The following UNC5D variants were observed in gnomAD, a reference collection of about 807,000 sequenced individuals.
UNC5D encodes the protein unc-5 netrin receptor D.
UNC5D carries 39 observed loss-of-function variants against 105.4 expected under a neutral mutation model. That is an observed-to-expected ratio of 0.37 (90% CI 0.29 to 0.48). The LOEUF is 0.48. UNC5D is among the 20% of genes least tolerant of loss of function. The pLI is 0.98. For synonymous variants in UNC5D, 452 were observed against 450.4 expected (o/e 1.00, Z -0.04); for missense variants, 991 against 1,202.4 (o/e 0.82, Z 2.60).
chr8:35,380,953 T>A (rs1803007371), intron 1 of UNC5D, among the ~76,000 whole-genome samples: 1 of 151,096 alleles, frequency 6.6e-6, no homozygotes, highest in Admixed American at 6.6e-5. Flanking sequence ...TACCTTCTAA[T>A]CACTGAATAA....
intron 4 of UNC5D, among the ~76,000 whole-genome samples, chr8:35,607,688 T>C (rs1053568062): frequency 6.6e-6 from 1 of 152,150 alleles, no homozygotes; most frequent in Non-Finnish European, 1.5e-5. Flanking sequence ...TTTTTTCCTC[T>C]TTGATGGGCA....
At chr8:35,352,357 G>C (rs890082983) in intron 1 of UNC5D, among the ~76,000 whole-genome samples, 3 of 151,972 alleles carry the variant, frequency 2.0e-5, no homozygotes, top group Admixed American at 6.6e-5. Context: ...TTGTTGGTTT[G>C]ATTGGTCCTT....
At chr8:35,757,214 A>G (rs1289608166) in intron 13 of UNC5D, among the ~76,000 whole-genome samples, 1 of 152,162 alleles carries the variant, frequency 6.6e-6, no homozygotes. Flanking sequence ...GAAGACACCA[A>G]AAGAGTTTTA....
chr8:35,639,248 G>A (rs923143828), intron 4 of UNC5D, among the ~76,000 whole-genome samples: 7 of 152,308 alleles, frequency 4.6e-5, no homozygotes, highest in Middle Eastern at 3.4e-3. Context: ...GGGGCAGGGC[G>A]ACCAGGAAAG....
At chr8:35,528,367 G>C (rs1204612199) in intron 1 of UNC5D, among the ~76,000 whole-genome samples, 2 of 151,180 alleles carry the variant, frequency 1.3e-5, no homozygotes, top group Non-Finnish European at 2.9e-5. Context: ...CCCTACAAAG[G>C]ACACAAACTC....
At chr8:35,479,911 C>T (rs970048820) in intron 1 of UNC5D, among the ~76,000 whole-genome samples, 1 of 152,034 alleles carries the variant, frequency 6.6e-6, no homozygotes, top group African/African-American at 2.4e-5. Context: ...GCACACATAG[C>T]CCCTGAACCT....
At chr8:35,347,192 G>A (rs1811865870) in intron 1 of UNC5D, among the ~76,000 whole-genome samples, 1 of 152,034 alleles carries the variant, frequency 6.6e-6, no homozygotes, top group Non-Finnish European at 1.5e-5. Context: ...ATAATTGGTA[G>A]GTTTGGAGCA....
At chr8:35,758,948 G>C (rs968187957) in intron 13 of UNC5D, among the ~76,000 whole-genome samples, 1 of 152,200 alleles carries the variant, frequency 6.6e-6, no homozygotes, top group African/African-American at 2.4e-5. Flanking sequence ...GATTGAGCAT[G>C]AATGCATCCC....
chr8:35,307,762 G>A (rs1808532804), intron 1 of UNC5D, among the ~76,000 whole-genome samples: 1 of 152,134 alleles, frequency 6.6e-6, no homozygotes, highest in Non-Finnish European at 1.5e-5. Flanking sequence ...CTGTGGGATA[G>A]AATTGACCTT....
At chr8:35,612,214 G>A (rs1443373572) in intron 4 of UNC5D, among the ~76,000 whole-genome samples, 1 of 152,160 alleles carries the variant, frequency 6.6e-6, no homozygotes, top group Non-Finnish European at 1.5e-5. Flanking sequence ...AGATAATGCT[G>A]GAATTAGAAA....
At chr8:35,738,104 CGAAAA>C (rs143487485) in intron 11 of UNC5D, among the ~76,000 whole-genome samples, 7,591 of 151,830 alleles carry the variant, frequency 0.05, 378 homozygotes, top group Admixed American at 0.11. Flanking sequence ...GAAACTGTCT[CGAAAA>C]GAAAAGAAAA....
At position 35,365,591 on chromosome 8, in the gene UNC5D, C is replaced by CAAAAA. The variant is rs10715369; in HGVS notation, c.103+129726_103+129730dup. Among the ~76,000 whole-genome samples, 4 of 49,886 alleles carry CAAAAA rather than the reference C, an allele frequency of 8.0e-5. 1 individual carries two copies. Among genetic ancestry groups the CAAAAA allele is most frequent in the Non-Finnish European group, 1.4e-4 (4 of 29,112 alleles). The allele number at this position is 49,886 out of a possible 152,430, so 32.7% of individuals were successfully genotyped here. A position where few individuals can be genotyped will look rare whatever the true frequency, so the allele number is the denominator to read the frequency against. On this transcript the variant is annotated intron_variant, in intron 1 of 16. Coordinates refer to ENST00000404895, the MANE Select transcript of UNC5D (RefSeq NM_080872.4). ...TCTTAGGCTTTCATGCCATCCCCTG[C>CAAAAA]AAAAAAAAAAAAAAAAAAAAAAAAA...
At chr8:35,704,967 T>C (rs1482941845) in intron 7 of UNC5D, among the ~76,000 whole-genome samples, 33 of 145,710 alleles carry the variant, frequency 2.3e-4, no homozygotes, top group African/African-American at 8.2e-4. Flanking sequence ...TGCCTTTTTT[T>C]TTTTTTTTTT....
intron 4 of UNC5D, among the ~76,000 whole-genome samples, chr8:35,671,080 C>T (rs1383668891): frequency 6.6e-6 from 1 of 152,024 alleles, no homozygotes; most frequent in East Asian, 1.9e-4. Flanking sequence ...CTTTTCTTCT[C>T]CTCCCCTTTT....
chr8:35,603,614 CGTTGATCTGTCTA>C (rs1036229550), intron 4 of UNC5D, among the ~76,000 whole-genome samples: 3 of 152,134 alleles, frequency 2.0e-5, no homozygotes. Flanking sequence ...CTTTCTGTCT[CGTTGATCTGTCTA>C]ATGTTGACAG....
chr8:35,588,061 C>G (rs2589336), intron 3 of UNC5D, among the ~76,000 whole-genome samples: 13,600 of 145,878 alleles, frequency 0.093, 654 homozygotes, highest in Middle Eastern at 0.12. Context: ...ATTTAAAAAT[C>G]TATCTTTATG....
At chr8:35,521,003 A>C (rs908565682) in intron 1 of UNC5D, among the ~76,000 whole-genome samples, 78 of 152,142 alleles carry the variant, frequency 5.1e-4, no homozygotes, top group African/African-American at 1.9e-3. Context: ...TTAGTGGAAC[A>C]GTGTATGTTT....
chr8:35,771,609 A>G (rs1430096353), intron 15 of UNC5D, among the ~76,000 whole-genome samples: 2 of 152,208 alleles, frequency 1.3e-5, no homozygotes, highest in South Asian at 2.1e-4. Flanking sequence ...ACCATTCAAT[A>G]TATCAGAACA....
rs968618764 is a variant in UNC5D at position 35,796,450 on chromosome 8, A to T, written c.*5887A>T. On this transcript the variant is annotated 3_prime_UTR_variant, in exon 17 of 17. Transcript: ENST00000404895. ...TTTGCAAAAAAAAAAAAAAAAAAAA[A>T]AACTGGATGGTTGCAGACTTTTCAA... is the stretch of plus-strand genomic sequence containing the variant. 1 of 151,394 alleles carries T rather than the reference A, an allele frequency of 6.6e-6. No individual in the cohort carries two copies. Among genetic ancestry groups the T allele is most frequent in the Non-Finnish European group, 1.5e-5 (1 of 67,876 alleles). The allele number at this position is 151,394 out of a possible 1,614,324, so 9.4% of individuals were successfully genotyped here.
Sources: allele counts gnomAD v4.1 joint callset (sites outside exome capture counted in the v4.1 genomes callset), GRCh38; gene constraint gnomAD v4.1.1; transcripts MANE v1.5; gene names NCBI Gene and HGNC (gene_info 2026-07-23, HGNC 2026-07-21).